ATP8A2: variants seen among roughly 807,000 people sequenced by gnomAD.
ATP8A2 encodes phospholipid-transporting ATPase IB.
Under a neutral mutation model 165.6 loss-of-function variants are expected in ATP8A2, and 100 were observed. That is an observed-to-expected ratio of 0.60 (90% confidence interval 0.51 to 0.71). The LOEUF (loss-of-function observed/expected upper bound fraction) is 0.71. ATP8A2 is among the 30% of genes least tolerant of loss of function. ATP8A2 has a pLI of 0.00. For synonymous variants in ATP8A2, 543 were observed against 548.8 expected, an observed-to-expected ratio of 0.99 and a Z score of 0.15; for missense variants, 1,227 against 1,479.5, an observed-to-expected ratio of 0.83 and a Z score of 2.80.
intron 2 of ATP8A2, among the ~76,000 whole-genome samples, chr13:25,507,923 C>T (rs901552021): frequency 2.0e-5 from 3 of 152,078 alleles, no homozygotes; most frequent in East Asian, 1.9e-4. Context: ...TGCAAAGGGA[C>T]GCTGGAAAGA....
At chr13:25,873,324 C>A (rs1331423638) in intron 33 of ATP8A2, among the ~76,000 whole-genome samples, 1 of 152,128 alleles carries the variant, frequency 6.6e-6, no homozygotes, top group Non-Finnish European at 1.5e-5. Context: ...AAGTGTGGAT[C>A]TGACTCAAGT....
chr13:25,429,542 C>CA (rs1208893904), intron 1 of ATP8A2, among the ~76,000 whole-genome samples: 2 of 108,934 alleles, frequency 1.8e-5, no homozygotes, highest in Admixed American at 1.1e-4. Context: ...GTCATTTGTA[C>CA]CCTTGAATGT....
intron 33 of ATP8A2, among the ~76,000 whole-genome samples, chr13:25,925,891 A>C (rs1404950291): frequency 6.6e-6 from 1 of 151,732 alleles, no homozygotes; most frequent in East Asian, 2.0e-4. Flanking sequence ...ATGCCTGCCT[A>C]ATTTTTGTAT....
At chr13:25,404,717 C>CT (rs1010433086) in intron 1 of ATP8A2, among the ~76,000 whole-genome samples, 5 of 151,740 alleles carry the variant, frequency 3.3e-5, no homozygotes, top group Non-Finnish European at 5.9e-5. Flanking sequence ...AATCATTTTT[C>CT]TTTTTTGGCT....
At chr13:25,883,089 C>G (rs866368641) in intron 33 of ATP8A2, among the ~76,000 whole-genome samples, 1 of 152,164 alleles carries the variant, frequency 6.6e-6, no homozygotes, top group African/African-American at 2.4e-5. Flanking sequence ...CAGCCCTGCT[C>G]AAGATCACAC....
At chr13:25,638,981 C>A (rs956333117) in intron 24 of ATP8A2, among the ~76,000 whole-genome samples, 1 of 152,092 alleles carries the variant, frequency 6.6e-6, no homozygotes, top group African/African-American at 2.4e-5. Context: ...AATTTTCAAC[C>A]CAGAATTTCA....
chr13:25,643,771 A>C (rs2041599366), intron 24 of ATP8A2, among the ~76,000 whole-genome samples: 1 of 149,172 alleles, frequency 6.7e-6, no homozygotes, highest in Non-Finnish European at 1.5e-5. Context: ...GATGAATTTT[A>C]GGATTGTTTT....
chr13:25,836,822 C>A (rs777148083), intron 28 of ATP8A2, among the ~76,000 whole-genome samples: 2 of 152,164 alleles, frequency 1.3e-5, no homozygotes, highest in Non-Finnish European at 2.9e-5. Context: ...CGTCAGCTAG[C>A]GTGAGCAGAA....
At chr13:25,863,305 G>T in intron 33 of ATP8A2, 1 of 152,642 alleles carries the variant, frequency 6.6e-6, no homozygotes, top group Non-Finnish European at 1.5e-5. Flanking sequence ...CTATTCTCTG[G>T]GCTCCCAGGA....
At chr13:25,514,464 C>A (rs938752355) in intron 2 of ATP8A2, among the ~76,000 whole-genome samples, 1 of 152,084 alleles carries the variant, frequency 6.6e-6, no homozygotes, top group Admixed American at 6.5e-5. Context: ...GAGTGCAGGC[C>A]AGATAGCAAG....
At chr13:25,764,228 C>T (rs930070181) in intron 25 of ATP8A2, among the ~76,000 whole-genome samples, 5 of 152,088 alleles carry the variant, frequency 3.3e-5, no homozygotes, top group Non-Finnish European at 5.9e-5. Context: ...TGTTGTATTT[C>T]GGTTAGTTTT....
intron 15 of ATP8A2, among the ~76,000 whole-genome samples, chr13:25,563,673 A>G (rs1457411216): frequency 6.6e-6 from 1 of 152,168 alleles, no homozygotes; most frequent in Non-Finnish European, 1.5e-5. Flanking sequence ...AATGCCAGCC[A>G]TTGTCTTGAT....
chr13:25,954,190 C>T (rs1447646170), intron 33 of ATP8A2, among the ~76,000 whole-genome samples: 3 of 152,204 alleles, frequency 2.0e-5, no homozygotes, highest in East Asian at 3.9e-4. Context: ...TCCACCATTA[C>T]TAAGGCTTGA....
chr13:25,698,839 C>G (rs2042890108), intron 24 of ATP8A2, among the ~76,000 whole-genome samples: 1 of 152,144 alleles, frequency 6.6e-6, no homozygotes, highest in African/African-American at 2.4e-5. Context: ...GTTTGCCATT[C>G]AAGTTCCAAT....
intron 33 of ATP8A2, among the ~76,000 whole-genome samples, chr13:25,876,156 G>A (rs1392094004): frequency 6.6e-6 from 1 of 152,146 alleles, no homozygotes; most frequent in Non-Finnish European, 1.5e-5. Context: ...AACTTCTCTG[G>A]GGCATTGTTC....
intron 27 of ATP8A2, among the ~76,000 whole-genome samples, chr13:25,801,768 A>G (rs1950626849): frequency 6.6e-6 from 1 of 152,170 alleles, no homozygotes; most frequent in South Asian, 2.1e-4. Flanking sequence ...AGACTGGGTA[A>G]CTTACAAAGG....
At chr13:25,688,673 A>G (rs770954907) in intron 24 of ATP8A2, among the ~76,000 whole-genome samples, 42 of 152,210 alleles carry the variant, frequency 2.8e-4, no homozygotes, top group Non-Finnish European at 5.9e-4. Context: ...TTTCTCTCAT[A>G]TAACTCTGTC....
At chr13:25,420,386 G>A (rs1204127631) in intron 1 of ATP8A2, among the ~76,000 whole-genome samples, 1 of 152,226 alleles carries the variant, frequency 6.6e-6, no homozygotes. Flanking sequence ...TTTGGCTAGA[G>A]CAGACTCAAG....
intron 33 of ATP8A2, among the ~76,000 whole-genome samples, chr13:25,885,721 AT>A (rs1156418632): frequency 6.6e-6 from 1 of 152,190 alleles, no homozygotes; most frequent in Non-Finnish European, 1.5e-5. Context: ...AGAAACTGAT[AT>A]GAGGGGAATT....
Sources: gnomAD v4.1 joint callset for allele counts (sites outside exome capture counted in the v4.1 genomes callset) on GRCh38, gnomAD v4.1.1 for gene constraint, MANE v1.5 for transcripts, NCBI Gene and HGNC (gene_info 2026-07-23, HGNC 2026-07-21) for gene names.